CSMD1: variants seen among roughly 807,000 people sequenced by gnomAD.
CSMD1 encodes CUB and Sushi multiple domains 1.
A neutral mutation model predicts 417.5 loss-of-function variants in CSMD1; 213 were observed. The ratio of observed to expected loss-of-function variants is 0.51; its 90% CI spans 0.46 to 0.57. CSMD1 has a LOEUF of 0.57. Ranked by LOEUF, CSMD1 falls within the 20% of genes least tolerant of loss-of-function variation. The pLI is 0.00. For synonymous variants in CSMD1, 2,862 were observed against 1,736.8 expected (o/e 1.65, Z -16.11); for missense variants, 6,923 against 4,529.7 (o/e 1.53, Z -15.17).
chr8:4,355,896 G>C (rs1444902041), intron 3 of CSMD1, among the ~76,000 whole-genome samples: 1 of 151,680 alleles, frequency 6.6e-6, no homozygotes, highest in East Asian at 2.0e-4. Flanking sequence ...CAGCGCAGGT[G>C]AGTCTCATGA....
intron 5 of CSMD1, among the ~76,000 whole-genome samples, chr8:3,934,779 AG>A: frequency 6.6e-6 from 1 of 152,258 alleles, no homozygotes; most frequent in East Asian, 1.9e-4. Context: ...CCTGGGAAGC[AG>A]AGGTTACAGT....
At chr8:4,645,587 G>T (rs940243510) in intron 1 of CSMD1, among the ~76,000 whole-genome samples, 3 of 151,958 alleles carry the variant, frequency 2.0e-5, no homozygotes, top group African/African-American at 7.3e-5. Flanking sequence ...CCACAGGTGC[G>T]GGATGACGAG....
intron 3 of CSMD1, among the ~76,000 whole-genome samples, chr8:4,181,225 G>T (rs920702802): frequency 6.6e-6 from 1 of 151,992 alleles, no homozygotes; most frequent in Admixed American, 6.6e-5. Context: ...TTTAAATTTG[G>T]TACTTATTAT....
intron 1 of CSMD1, among the ~76,000 whole-genome samples, chr8:4,952,213 C>A (rs1048415000): frequency 4.6e-5 from 7 of 151,856 alleles, no homozygotes; most frequent in African/African-American, 1.7e-4. Context: ...GTAAATAAAG[C>A]CATGTTTGCT....
At chr8:3,466,331 A>T (rs572930075) in intron 12 of CSMD1, among the ~76,000 whole-genome samples, 1 of 152,238 alleles carries the variant, frequency 6.6e-6, no homozygotes, top group Non-Finnish European at 1.5e-5. Flanking sequence ...CTAACACTAG[A>T]TGTTAGTGAA....
intron 3 of CSMD1, among the ~76,000 whole-genome samples, chr8:4,057,193 T>A (rs934747635): frequency 6.6e-6 from 1 of 152,158 alleles, no homozygotes; most frequent in African/African-American, 2.4e-5. Flanking sequence ...CTCCAGCACC[T>A]GTTGTTTCCT....
intron 3 of CSMD1, among the ~76,000 whole-genome samples, chr8:4,248,902 T>C (rs1802877742): frequency 2.0e-5 from 3 of 152,216 alleles, no homozygotes; most frequent in African/African-American, 7.2e-5. Flanking sequence ...AAAATCCATT[T>C]AGACCATATT....
chr8:3,684,206 T>C (rs1239662120), intron 7 of CSMD1, among the ~76,000 whole-genome samples: 1 of 143,932 alleles, frequency 6.9e-6, no homozygotes. Flanking sequence ...AACATGTAAT[T>C]ATATATAATA....
intron 1 of CSMD1, among the ~76,000 whole-genome samples, chr8:4,894,981 C>T (rs1804381330): frequency 6.6e-6 from 1 of 152,196 alleles, no homozygotes; most frequent in Non-Finnish European, 1.5e-5. Context: ...TTCCACTTTT[C>T]TGATCTACTG....
At chr8:3,873,722 A>G (rs769512570) in intron 5 of CSMD1, among the ~76,000 whole-genome samples, 5 of 152,218 alleles carry the variant, frequency 3.3e-5, no homozygotes, top group Non-Finnish European at 7.3e-5. Flanking sequence ...TAAATAAATA[A>G]AAAGCCTTTT....
intron 35 of CSMD1, among the ~76,000 whole-genome samples, chr8:3,188,282 ATTTTTC>A (rs1245613576): frequency 9.2e-6 from 1 of 108,602 alleles, no homozygotes; most frequent in Non-Finnish European, 2.0e-5. Context: ...AGAACAATTT[ATTTTTC>A]TTTTTCTTTT....
At chr8:4,982,428 A>G (rs1046335099) in intron 1 of CSMD1, among the ~76,000 whole-genome samples, 13 of 152,320 alleles carry the variant, frequency 8.5e-5, no homozygotes, top group African/African-American at 2.2e-4. Context: ...TTATCTTGCT[A>G]CAAATACTGT....
chr8:4,714,272 C>G (rs1456103024), intron 1 of CSMD1, among the ~76,000 whole-genome samples: 1 of 152,162 alleles, frequency 6.6e-6, no homozygotes, highest in Non-Finnish European at 1.5e-5. Flanking sequence ...TCATCCTAAA[C>G]AAACAGATGC....
intron 7 of CSMD1, among the ~76,000 whole-genome samples, chr8:3,664,115 T>C (rs768238043): frequency 5.3e-5 from 8 of 152,174 alleles, no homozygotes; most frequent in Non-Finnish European, 7.3e-5. Context: ...ATGTGCCATG[T>C]TGGTTTGCTG....
At chr8:3,866,709 G>T (rs1266179269) in intron 5 of CSMD1, among the ~76,000 whole-genome samples, 1 of 151,984 alleles carries the variant, frequency 6.6e-6, no homozygotes, top group Non-Finnish European at 1.5e-5. Context: ...ATTCCATAAG[G>T]TAGTCCTTGG....
At chr8:4,407,725 A>G (rs78694563) in intron 3 of CSMD1, among the ~76,000 whole-genome samples, 4,291 of 152,296 alleles carry the variant, frequency 0.028, 95 homozygotes, top group Non-Finnish European at 0.046. Context: ...TAGTTTTTCC[A>G]TGATTCATGC....
intron 26 of CSMD1, among the ~76,000 whole-genome samples, chr8:3,252,785 T>C (rs1800369554): frequency 6.6e-6 from 1 of 152,354 alleles, no homozygotes; most frequent in Admixed American, 6.5e-5. Flanking sequence ...CCTCGTTTAG[T>C]CTTGGGAGGG....
chr8:3,414,346 G>C (rs1812998805), intron 12 of CSMD1, among the ~76,000 whole-genome samples: 1 of 150,886 alleles, frequency 6.6e-6, no homozygotes. Context: ...AGCTTACATA[G>C]TCCAGTTACA....
At chr8:4,200,851 C>A (rs1279703589) in intron 3 of CSMD1, among the ~76,000 whole-genome samples, 1 of 151,992 alleles carries the variant, frequency 6.6e-6, no homozygotes, top group Non-Finnish European at 1.5e-5. Context: ...AAGTGAAACC[C>A]TGTCTCAAAA....
Sources: allele counts gnomAD v4.1 joint callset (sites outside exome capture counted in the v4.1 genomes callset), GRCh38; gene constraint gnomAD v4.1.1; transcripts MANE v1.5; gene names NCBI Gene and HGNC (gene_info 2026-07-23, HGNC 2026-07-21).